LIN7A: variants seen among roughly 807,000 people sequenced by gnomAD.
LIN7A encodes the protein lin-7 cell polarity scaffold A.
Under a neutral mutation model 29.8 loss-of-function variants are expected in LIN7A, and 25 were observed. That is an observed-to-expected ratio of 0.84 (90% CI 0.61 to 1.17). The LOEUF is 1.17. LIN7A is among the 50% of genes most tolerant of loss of function. The pLI is 0.00. For missense variants in LIN7A, 239 were observed against 287.0 expected (o/e 0.83, Z 1.21); for synonymous variants, 118 against 107.5 (o/e 1.10, Z -0.60).
intron 1 of LIN7A, among the ~76,000 whole-genome samples, chr12:80,889,681 G>A (rs558313391): frequency 2.4e-4 from 37 of 152,156 alleles, no homozygotes; most frequent in African/African-American, 3.6e-4. Flanking sequence ...CTCCAATAAC[G>A]AAACTAATTC....
chr12:80,914,569 A>C (rs1876935105), intron 1 of LIN7A, among the ~76,000 whole-genome samples: 1 of 152,202 alleles, frequency 6.6e-6, no homozygotes, highest in Non-Finnish European at 1.5e-5. Context: ...ATTAATCTGC[A>C]ACTCGCATGT....
At chr12:80,818,826 GT>G (rs1437209757) in intron 4 of LIN7A, among the ~76,000 whole-genome samples, 6 of 152,122 alleles carry the variant, frequency 3.9e-5, no homozygotes, top group Non-Finnish European at 2.9e-5. Flanking sequence ...AACCAAAATA[GT>G]AAAAGTCATC....
intron 2 of LIN7A, among the ~76,000 whole-genome samples, chr12:80,863,413 T>A (rs1307288630): frequency 6.6e-6 from 1 of 152,194 alleles, no homozygotes; most frequent in Non-Finnish European, 1.5e-5. Context: ...ATGTGTCGGC[T>A]TAAAGAAGGG....
intron 1 of LIN7A, among the ~76,000 whole-genome samples, chr12:80,910,171 G>A (rs540733172): frequency 4.3e-4 from 65 of 152,056 alleles, no homozygotes; most frequent in Non-Finnish European, 6.8e-4. Context: ...TTTAAATTTA[G>A]TTTCTAATTG....
At chr12:80,931,264 A>G (rs970971003) in intron 1 of LIN7A, among the ~76,000 whole-genome samples, 4 of 152,062 alleles carry the variant, frequency 2.6e-5, no homozygotes, top group Middle Eastern at 3.2e-3. Context: ...ACACCAAACT[A>G]GAAAGGATTC....
chr12:80,935,716 T>C (rs776153544), intron 1 of LIN7A: 5 of 461,614 alleles, frequency 1.1e-5, no homozygotes, highest in Admixed American at 2.0e-5. Flanking sequence ...AGATTTTCCA[T>C]GAGCTGCTGA....
At chr12:80,881,761 T>C (rs1242409816) in intron 2 of LIN7A, among the ~76,000 whole-genome samples, 1 of 152,100 alleles carries the variant, frequency 6.6e-6, no homozygotes, top group Non-Finnish European at 1.5e-5. Flanking sequence ...GCATCTAATC[T>C]CTGCTGTTGT....
rs541511733 is a variant in LIN7A, at chr12:80,845,676, CA to C, written c.483+53del. ...CGTTGACTTCAGTAATAGCAGGGGG[CA>C]AAAAAAAAGAATGTGCTTAAGGAGA... On this transcript the variant is annotated intron_variant, in intron 4 of 5. Coordinates refer to ENST00000552864, the MANE Select transcript of LIN7A (RefSeq NM_004664.4). 6.5e-4 allele frequency: 902 copies of C among 1,390,102 alleles called. 1 individual carries two copies. Among genetic ancestry groups the C allele is most frequent in the South Asian group, 1.2e-3 (91 of 77,094 alleles). The allele number at this position is 1,390,102 out of a possible 1,614,324, so 86.1% of individuals were successfully genotyped here.
chr12:80,850,993 T>C (rs965981793), intron 2 of LIN7A, among the ~76,000 whole-genome samples: 10 of 152,284 alleles, frequency 6.6e-5, no homozygotes, highest in African/African-American at 2.4e-4. Flanking sequence ...AACATACCGA[T>C]GACCACACAG....
At chr12:80,806,536 AC>A (rs1870998432) in intron 5 of LIN7A, among the ~76,000 whole-genome samples, 1 of 152,240 alleles carries the variant, frequency 6.6e-6, no homozygotes, top group South Asian at 2.1e-4. Flanking sequence ...AGATAAAAAA[AC>A]ATATTATTTC....
intron 1 of LIN7A, among the ~76,000 whole-genome samples, chr12:80,933,103 C>G (rs1229838964): frequency 1.3e-5 from 2 of 152,148 alleles, no homozygotes; most frequent in Non-Finnish European, 2.9e-5. Context: ...CCTCTTATGA[C>G]CACTTGGATT....
intron 1 of LIN7A, among the ~76,000 whole-genome samples, chr12:80,912,713 C>CAAAAAAAAAAA (rs5799498): frequency 7.4e-6 from 1 of 135,354 alleles, no homozygotes; most frequent in African/African-American, 3.1e-5. Context: ...AGACTTGTCT[C>CAAAAAAAAAAA]AAAAAAAAAA....
chr12:80,883,485 T>C (rs928605187), intron 2 of LIN7A, among the ~76,000 whole-genome samples: 16 of 152,336 alleles, frequency 1.1e-4, no homozygotes, highest in African/African-American at 3.6e-4. Context: ...TGAATATAAA[T>C]ATACCAGTCT....
chr12:80,882,915 G>A (rs535235728), intron 2 of LIN7A, among the ~76,000 whole-genome samples: 4 of 151,886 alleles, frequency 2.6e-5, no homozygotes, highest in Non-Finnish European at 1.5e-5. Flanking sequence ...AAGTAACTTG[G>A]CACTAGATTA....
At chr12:80,930,037 T>G (rs1877808210) in intron 1 of LIN7A, among the ~76,000 whole-genome samples, 1 of 152,336 alleles carries the variant, frequency 6.6e-6, no homozygotes, top group South Asian at 2.1e-4. Context: ...CTATCTTTTT[T>G]TAGTTAAAGG....
chr12:80,914,475 A>C (rs1876929879), intron 1 of LIN7A, among the ~76,000 whole-genome samples: 1 of 152,228 alleles, frequency 6.6e-6, no homozygotes, highest in Admixed American at 6.5e-5. Context: ...ACATTAGTTA[A>C]TAAATACACC....
chr12:80,794,457 T>C lies in LIN7A; in HGVS notation c.*3270A>G, dbSNP rs763111464. Reference sequence around the variant, plus strand: ...GTTAAAAGATGAGAAATTTAGGCATTATTCACACATCCACACATATCTATA... The same window carrying C: ...GTTAAAAGATGAGAAATTTAGGCATCATTCACACATCCACACATATCTATA... On this transcript the variant is annotated 3_prime_UTR_variant, in exon 6 of 6. Transcript: ENST00000552864. The C allele has an allele frequency of 2.0e-5, 3 of 152,174 alleles. No homozygotes were observed. The highest frequency in any genetic ancestry group is 4.4e-5 in the Non-Finnish European group (3 of 68,006). The allele number at this position is 152,174 out of a possible 1,614,324, so 9.4% of individuals were successfully genotyped here.
chr12:80,829,375 T>C (rs1872234617), intron 4 of LIN7A, among the ~76,000 whole-genome samples: 1 of 152,168 alleles, frequency 6.6e-6, no homozygotes, highest in Admixed American at 6.6e-5. Context: ...CCCGACATCG[T>C]TAATTTGCTG....
At chr12:80,879,382 T>C (rs1365402971) in intron 2 of LIN7A, among the ~76,000 whole-genome samples, 1 of 152,114 alleles carries the variant, frequency 6.6e-6, no homozygotes, top group Non-Finnish European at 1.5e-5. Context: ...ATTTATTTAT[T>C]TGTTTGCATT....
Sources: gnomAD v4.1 joint callset for allele counts (sites outside exome capture counted in the v4.1 genomes callset) on GRCh38, gnomAD v4.1.1 for gene constraint, MANE v1.5 for transcripts, NCBI Gene and HGNC (gene_info 2026-07-23, HGNC 2026-07-21) for gene names.